Variants in KCNIP4 observed in about 807,000 individuals in gnomAD.
KCNIP4 encodes the protein potassium voltage-gated channel interacting protein 4, also known as Kv channel-interacting protein 4.
KCNIP4 carries 12 observed loss-of-function variants against 34.0 expected under a neutral mutation model. The ratio of observed to expected loss-of-function variants is 0.35; its 90% CI spans 0.23 to 0.57. The LOEUF is 0.57. Among genes scored for constraint, KCNIP4 ranks in the 20% least tolerant of loss-of-function variants. The probability of loss-of-function intolerance (pLI) is 0.83; values close to 1 mark genes in which losing one functional copy is unlikely to be tolerated. For synonymous variants in KCNIP4, 124 were observed against 102.2 expected, an observed-to-expected ratio of 1.21 and a Z score of -1.29; for missense variants, 238 against 311.7, an observed-to-expected ratio of 0.76 and a Z score of 1.78.
intron 1 of KCNIP4, among the ~76,000 whole-genome samples, chr4:21,028,030 A>G (rs1740698629): frequency 6.6e-6 from 1 of 152,118 alleles, no homozygotes; most frequent in African/African-American, 2.4e-5. Context: ...CCTTAAGCAG[A>G]TCTACTCACA....
At chr4:20,986,984 A>G (rs1383396024) in intron 1 of KCNIP4, among the ~76,000 whole-genome samples, 2 of 152,118 alleles carry the variant, frequency 1.3e-5, no homozygotes, top group African/African-American at 2.4e-5. Flanking sequence ...GCTCCCAAGT[A>G]TGCGGGGGCT....
At chr4:20,950,329 C>T (rs1732649147) in intron 1 of KCNIP4, among the ~76,000 whole-genome samples, 2 of 151,888 alleles carry the variant, frequency 1.3e-5, no homozygotes, top group South Asian at 4.2e-4. Context: ...TTGCCTTTGC[C>T]CTTGACTTTG....
chr4:20,912,842 C>A (rs1347208796), intron 1 of KCNIP4, among the ~76,000 whole-genome samples: 2 of 152,082 alleles, frequency 1.3e-5, no homozygotes, highest in Non-Finnish European at 2.9e-5. Context: ...CCATTTTATA[C>A]TCATGGGTAA....
intron 1 of KCNIP4, among the ~76,000 whole-genome samples, chr4:21,421,593 T>C (rs921575803): frequency 1.3e-5 from 2 of 152,124 alleles, no homozygotes; most frequent in African/African-American, 4.8e-5. Flanking sequence ...AAGAAAACTG[T>C]AGAATGGTGG....
At chr4:21,594,139 C>G (rs1378714205) in intron 1 of KCNIP4, among the ~76,000 whole-genome samples, 3 of 152,040 alleles carry the variant, frequency 2.0e-5, no homozygotes, top group Admixed American at 6.6e-5. Flanking sequence ...TCCTCAACAG[C>G]AACAATGTAA....
intron 1 of KCNIP4, among the ~76,000 whole-genome samples, chr4:21,502,161 T>C: frequency 6.6e-6 from 1 of 152,046 alleles, no homozygotes; most frequent in East Asian, 1.9e-4. Flanking sequence ...TTTATAAAAA[T>C]TGTAATATCT....
In KCNIP4 at chr4:21,577,101, T is replaced by C. The variant is rs141940271; in HGVS notation, c.61+371470A>G. ...AATACCAACTTATCTTCCAGTCATATATAGTATTAAACCTACCAAATCTAT... is the reference window on the plus strand; with the variant it reads ...AATACCAACTTATCTTCCAGTCATACATAGTATTAAACCTACCAAATCTAT... On this transcript the variant is annotated intron_variant, in intron 1 of 8. Transcript: ENST00000382152. Among the ~76,000 whole-genome samples, 100 of 152,320 alleles carry C rather than the reference T, an allele frequency of 6.6e-4. No homozygotes were observed. In the East Asian group the frequency reaches 0.017, roughly 26 times the overall value.
intron 1 of KCNIP4, among the ~76,000 whole-genome samples, chr4:21,464,527 A>C (rs1025627676): frequency 6.6e-6 from 1 of 151,988 alleles, no homozygotes; most frequent in Admixed American, 6.6e-5. Context: ...CTGATTTCTC[A>C]TTTCATTCCA....
chr4:21,448,637 T>C (rs1032158668), intron 1 of KCNIP4, among the ~76,000 whole-genome samples: 2 of 152,070 alleles, frequency 1.3e-5, no homozygotes, highest in Non-Finnish European at 2.9e-5. Flanking sequence ...CTACCCAATA[T>C]ACAAAAAATG....
chr4:21,734,253 G>A (rs1168906392), intron 1 of KCNIP4, among the ~76,000 whole-genome samples: 3 of 152,138 alleles, frequency 2.0e-5, no homozygotes, highest in South Asian at 2.1e-4. Context: ...CTTATTCTTC[G>A]GTGGAACAGT....
rs75588619 is a variant in KCNIP4 at position 21,349,244 on chromosome 4, T to C, written c.62-466535A>G. Among the ~76,000 whole-genome samples, 516 of 152,268 alleles carry C rather than the reference T, an allele frequency of 3.4e-3. 3 individuals are homozygous for C. Among genetic ancestry groups the C allele is most frequent in the African/African-American group, 0.011 (476 of 41,570 alleles). ...AAATACAGAGGAACAACCTAACATA[T>C]TGTAAGTGCTCAGTCAATAATCAGC... On this transcript the variant is annotated intron_variant, in intron 1 of 8. Transcript: ENST00000382152.
chr4:21,545,469 G>T (rs967469647), intron 1 of KCNIP4, among the ~76,000 whole-genome samples: 1 of 152,090 alleles, frequency 6.6e-6, no homozygotes, highest in Non-Finnish European at 1.5e-5. Flanking sequence ...ACGTGCCATG[G>T]TGGTTTGCTG....
chr4:20,974,206 T>C (rs1392259472), intron 1 of KCNIP4, among the ~76,000 whole-genome samples: 1 of 152,106 alleles, frequency 6.6e-6, no homozygotes, highest in Admixed American at 6.5e-5. Context: ...TCCTTATAGC[T>C]CTGGACACCG....
chr4:21,505,319 T>C (rs747903989), intron 1 of KCNIP4, among the ~76,000 whole-genome samples: 1 of 151,786 alleles, frequency 6.6e-6, no homozygotes, highest in Non-Finnish European at 1.5e-5. Flanking sequence ...TCAGCTCTCA[T>C]ACACAATCAT....
At chr4:21,401,644 G>T (rs1183494907) in intron 1 of KCNIP4, among the ~76,000 whole-genome samples, 2 of 152,200 alleles carry the variant, frequency 1.3e-5, no homozygotes, top group Non-Finnish European at 2.9e-5. Flanking sequence ...CAGCAACAGG[G>T]AATTAAGGAG....
intron 1 of KCNIP4, among the ~76,000 whole-genome samples, chr4:21,036,343 T>C (rs927944319): frequency 1.3e-5 from 2 of 152,180 alleles, no homozygotes; most frequent in Non-Finnish European, 2.9e-5. Flanking sequence ...TTTATTACAT[T>C]TTATGCTAAG....
At chr4:20,874,922 C>T (rs1258259833) in intron 2 of KCNIP4, among the ~76,000 whole-genome samples, 1 of 152,090 alleles carries the variant, frequency 6.6e-6, no homozygotes, top group Non-Finnish European at 1.5e-5. Flanking sequence ...CATGTTCTGC[C>T]TTTCATGGAC....
chr4:21,366,854 C>A (rs1385326244), intron 1 of KCNIP4, among the ~76,000 whole-genome samples: 1 of 152,010 alleles, frequency 6.6e-6, no homozygotes, highest in Non-Finnish European at 1.5e-5. Flanking sequence ...GTCAATTATG[C>A]ACTAAAAATG....
chr4:20,787,866 TA>T (rs1190522968), intron 3 of KCNIP4, among the ~76,000 whole-genome samples: 2 of 152,174 alleles, frequency 1.3e-5, no homozygotes, highest in Non-Finnish European at 2.9e-5. Context: ...ATGTCTTCTT[TA>T]TAACTGTCTG....
Sources: allele counts gnomAD v4.1 joint callset (sites outside exome capture counted in the v4.1 genomes callset), GRCh38; gene constraint gnomAD v4.1.1; transcripts MANE v1.5; gene names NCBI Gene and HGNC (gene_info 2026-07-23, HGNC 2026-07-21).